The following URGCP variants were observed in gnomAD, a reference collection of about 807,000 sequenced individuals.
The protein encoded by URGCP is up-regulator of cell proliferation.
URGCP carries 13 observed loss-of-function variants against 24.6 expected under a neutral mutation model. The ratio of observed to expected loss-of-function variants is 0.53; its 90% CI spans 0.34 to 0.84. The LOEUF (loss-of-function observed/expected upper bound fraction) is 0.84, where lower values mean the gene tolerates loss of function less well. URGCP is among the 40% of genes least tolerant of loss of function. The pLI, the probability that URGCP is intolerant of heterozygous loss-of-function variation, is 0.01. For missense variants in URGCP, 899 were observed against 1,194.3 expected (o/e 0.75, Z 3.64); for synonymous variants, 444 against 487.2 (o/e 0.91, Z 1.17).
chr7:43,907,842 G>A (rs1256001088), upstream of URGCP, among the ~76,000 whole-genome samples: 1 of 152,230 alleles, frequency 6.6e-6, no homozygotes, highest in Non-Finnish European at 1.5e-5. Flanking sequence ...TCCAGTCAAT[G>A]TTTCTGAGCC....
At position 43,877,413 on chromosome 7, in the gene URGCP, C is replaced by A. The variant is rs17851648; in HGVS notation, c.2050G>T (p.Val684Phe). 6 of 1,613,482 alleles carry A rather than the reference C, an allele frequency of 3.7e-6. No homozygotes were observed. The highest frequency in any genetic ancestry group is 5.1e-6 in the Non-Finnish European group (6 of 1,180,012). The change falls in exon 6 of 6, where the codon GTC (valine) becomes TTC (phenylalanine). Residue 684 changes from valine to phenylalanine, a missense_variant. Val to Phe is a conservative substitution (Grantham distance 50). Coordinates refer to ENST00000453200, the MANE Select transcript of URGCP (RefSeq NM_001077663.3). Reference protein sequence around the residue: ...WVTGLLKELHVRLERRSRLVV... With the variant: ...WVTGLLKELHFRLERRSRLVV... ...AGCCTTGACCGTCTCTCCAGTCGGACGTGCAGCTCCTTCAGGAGCCCTGTG... is the reference window on the plus strand; with the variant it reads ...AGCCTTGACCGTCTCTCCAGTCGGAAGTGCAGCTCCTTCAGGAGCCCTGTG...
chr7:43,917,954 C>T (rs574672572), intron 1 of URGCP, among the ~76,000 whole-genome samples: 2 of 151,876 alleles, frequency 1.3e-5, no homozygotes, highest in Admixed American at 1.3e-4. Flanking sequence ...CAGAGCAAGA[C>T]CGTCTCAAAA....
upstream of URGCP, among the ~76,000 whole-genome samples, chr7:43,910,422 A>G (rs1405959747): frequency 4.4e-4 from 37 of 84,684 alleles, no homozygotes; most frequent in Admixed American, 5.5e-3. Context: ...TAGAGACAGG[A>G]TTTCCCCATG....
intron 1 of URGCP, chr7:43,918,653 G>A: frequency 1.6e-6 from 1 of 611,908 alleles, no homozygotes; most frequent in Non-Finnish European, 3.0e-6. Flanking sequence ...GCACGCGGCA[G>A]CGTTGCGGGT....
chr7:43,899,702 G>A (rs1455002674), intron 1 of URGCP, among the ~76,000 whole-genome samples: 2 of 152,118 alleles, frequency 1.3e-5, no homozygotes, highest in Non-Finnish European at 2.9e-5. Context: ...GTCGCTTTGA[G>A]TATCTGGAAC....
chr7:43,881,014 T>C, intron 5 of URGCP: 2 of 600,958 alleles, frequency 3.3e-6, no homozygotes, highest in South Asian at 2.0e-5. Flanking sequence ...CACAGAACAT[T>C]AGGGGACCTA....
chr7:43,888,273 G>A (rs1282338397), intron 1 of URGCP: 2 of 153,042 alleles, frequency 1.3e-5, no homozygotes, highest in Admixed American at 1.3e-4. Flanking sequence ...AGGCTGAGGC[G>A]GGCGGATTAC....
chr7:43,881,816 A>G lies in URGCP; in HGVS notation c.163+91T>C, dbSNP rs995102177. 9 of 1,604,770 alleles carry G rather than the reference A, an allele frequency of 5.6e-6. No individual in the cohort carries two copies. The African/African-American group carries it at 8.1e-5, about 14-fold the overall frequency. On this transcript the variant is annotated intron_variant, in intron 4 of 5. Transcript: ENST00000453200. Reference sequence around the variant, plus strand: ...CTCACCAAGATGGCAACTTCTCCCAATTGTTCTAAATATAAAATCCCGGTT... The same window carrying G: ...CTCACCAAGATGGCAACTTCTCCCAGTTGTTCTAAATATAAAATCCCGGTT...
chr7:43,898,005 A>C (rs560495468), intron 1 of URGCP, among the ~76,000 whole-genome samples: 19 of 152,320 alleles, frequency 1.2e-4, no homozygotes, highest in Non-Finnish European at 2.4e-4. Flanking sequence ...GACTGGCCCG[A>C]GACCCCTACC....
chr7:43,903,919 G>C (rs1375426250), intron 1 of URGCP, among the ~76,000 whole-genome samples: 1 of 152,128 alleles, frequency 6.6e-6, no homozygotes, highest in Admixed American at 6.5e-5. Flanking sequence ...AGAGCAGGCA[G>C]AGGAGCTGGC....
intron 3 of URGCP, among the ~76,000 whole-genome samples, chr7:43,884,374 T>C (rs1032545484): frequency 2.0e-5 from 3 of 152,142 alleles, no homozygotes; most frequent in Non-Finnish European, 2.9e-5. Flanking sequence ...ATACTTCACA[T>C]TGGGCAGGAA....
upstream of URGCP, among the ~76,000 whole-genome samples, chr7:43,908,358 G>A (rs1585834056): frequency 1.3e-5 from 2 of 152,184 alleles, no homozygotes; most frequent in East Asian, 3.8e-4. Context: ...GGTTACAGGC[G>A]TGAGCCACCA....
chr7:43,910,382 ATTTTTTTTT>A (rs1158648185), upstream of URGCP, among the ~76,000 whole-genome samples: 11 of 90,092 alleles, frequency 1.2e-4, no homozygotes, highest in African/African-American at 4.2e-4. Context: ...TGTCTGGCTA[ATTTTTTTTT>A]TTTTTTTTTT....
At chr7:43,916,106 G>A (rs927073334) in intron 1 of URGCP, among the ~76,000 whole-genome samples, 2 of 152,184 alleles carry the variant, frequency 1.3e-5, no homozygotes, top group Non-Finnish European at 2.9e-5. Context: ...CATCCTGTCA[G>A]CAGTTAACAA....
chr7:43,912,908 T>A (rs149478710), intron 1 of URGCP, among the ~76,000 whole-genome samples: 3,119 of 152,166 alleles, frequency 0.02, 55 homozygotes, highest in Non-Finnish European at 0.03. Flanking sequence ...TGGAATGTAG[T>A]GGCATGATCT....
Position 43,877,619 on chromosome 7 carries a change from T to C in URGCP, c.1844A>G (p.His615Arg). Residue 615 changes from histidine to arginine, a missense_variant, in exon 6 of 6, where the codon CAC (histidine) becomes CGC (arginine). Transcript: ENST00000453200. ...AAACTGTCCCATCTCCCGCAAGAAGTGTTCCACCCCTAGGGGCTCAGGCCA... is the reference window on the plus strand; with the variant it reads ...AAACTGTCCCATCTCCCGCAAGAAGCGTTCCACCCCTAGGGGCTCAGGCCA... Reference protein sequence around the residue: ...PLWPEPLGVEHFLREMGQFYE... With the variant: ...PLWPEPLGVERFLREMGQFYE... The C allele has an allele frequency of 1.2e-6, 2 of 1,614,176 alleles. No homozygotes were observed. Among genetic ancestry groups the C allele is most frequent in the Non-Finnish European group, 1.7e-6 (2 of 1,180,038 alleles).
At chr7:43,913,203 G>A (rs2095911980) in intron 1 of URGCP, among the ~76,000 whole-genome samples, 1 of 151,384 alleles carries the variant, frequency 6.6e-6, no homozygotes, top group Non-Finnish European at 1.5e-5. Flanking sequence ...TTGGTTGACA[G>A]TTTTTTTTGT....
chr7:43,925,928 GGA>G (rs1337883808), intron 1 of URGCP, among the ~76,000 whole-genome samples: 2 of 151,532 alleles, frequency 1.3e-5, no homozygotes, highest in Non-Finnish European at 2.9e-5. Flanking sequence ...AAAATAGGAA[GGA>G]GACAGATAAT....
rs2095849661 is a variant in URGCP, at chr7:43,878,833, C to G, written c.630G>C (p.Gln210His). ...CAGGCAACACGAGTGGGAGTGCAAA[C>G]TGGCAGAGGGCCATTTTCAACGCTA... ...QEIALKMALCQFALPLVLPDS... is the reference protein window; with the variant it reads ...QEIALKMALCHFALPLVLPDS... The change falls in exon 6 of 6, where the codon CAG becomes CAC. Residue 210 changes from glutamine to histidine, a missense_variant. By Grantham distance (24) the Gln-to-His change is conservative. Transcript: ENST00000453200. The surrounding 1 kb of genome is among the most constrained non-coding windows in gnomAD (Gnocchi z 5.6). 4 of 1,614,136 alleles carry G rather than the reference C, an allele frequency of 2.5e-6. No individual in the cohort carries two copies. Among genetic ancestry groups the G allele is most frequent in the South Asian group, 1.1e-5 (1 of 91,080 alleles).
Sources: allele counts gnomAD v4.1 joint callset (sites outside exome capture counted in the v4.1 genomes callset), GRCh38; gene constraint gnomAD v4.1.1; non-coding constraint Gnocchi (gnomAD v3.1); transcripts MANE v1.5; gene names NCBI Gene and HGNC (gene_info 2026-07-23, HGNC 2026-07-21).